The following UNC80 variants were observed in gnomAD, a reference collection of about 807,000 sequenced individuals.
UNC80 encodes protein unc-80 homolog.
A neutral mutation model predicts 384.6 loss-of-function variants in UNC80; 164 were observed. That is an observed-to-expected ratio of 0.43 (90% CI 0.38 to 0.49). The LOEUF (loss-of-function observed/expected upper bound fraction) is 0.49, where lower values mean the gene tolerates loss of function less well. Among genes scored for constraint, UNC80 ranks in the 20% least tolerant of loss-of-function variants. The pLI is 0.00. For synonymous variants in UNC80, 1,486 were observed against 1,527.8 expected, an observed-to-expected ratio of 0.97 and a Z score of 0.64; for missense variants, 3,330 against 4,143.0, an observed-to-expected ratio of 0.80 and a Z score of 5.39.
At chr2:209,955,608 A>G (rs1348951620) in intron 48 of UNC80, among the ~76,000 whole-genome samples, 1 of 147,256 alleles carries the variant, frequency 6.8e-6, no homozygotes, top group Admixed American at 6.9e-5. Context: ...TTCCTTCTGT[A>G]CCCATCTGGT....
chr2:209,956,797 C>A (rs2124998514), intron 48 of UNC80, among the ~76,000 whole-genome samples: 1 of 152,190 alleles, frequency 6.6e-6, no homozygotes, highest in East Asian at 1.9e-4. Flanking sequence ...TATAATGTAA[C>A]ATAATCACTA....
chr2:209,946,781 A>G (rs748576319), intron 47 of UNC80, among the ~76,000 whole-genome samples: 3 of 152,204 alleles, frequency 2.0e-5, no homozygotes, highest in Admixed American at 6.5e-5. Context: ...TCTGTTGACA[A>G]GCTCTTCCAG....
chr2:209,803,759 G>T (rs1377683639), intron 7 of UNC80, among the ~76,000 whole-genome samples: 1 of 151,604 alleles, frequency 6.6e-6, no homozygotes, highest in Non-Finnish European at 1.5e-5. Flanking sequence ...TAGAGACAGG[G>T]TCTCACTCTG....
chr2:209,899,095 T>C (rs1040009665), intron 28 of UNC80, among the ~76,000 whole-genome samples: 6 of 152,208 alleles, frequency 3.9e-5, no homozygotes, highest in Non-Finnish European at 8.8e-5. Flanking sequence ...AGTGCAGATA[T>C]CATGATCAAG....
intron 3 of UNC80, 69 bp from the exon 4 acceptor site, chr2:209,777,189 C>T: frequency 6.9e-7 from 1 of 1,457,892 alleles, no homozygotes; most frequent in Non-Finnish European, 9.2e-7. Flanking sequence ...CTTCCCAGAC[C>T]CATTGTTGAC....
chr2:209,922,200 A>G, intron 34 of UNC80, 52 bp from the exon 35 acceptor site: 1 of 1,544,482 alleles, frequency 6.5e-7, no homozygotes, highest in Non-Finnish European at 8.8e-7. Context: ...TGTGATAATA[A>G]TAACTCTTTT....
At chr2:209,831,658 G>T in intron 16 of UNC80, 67 bp downstream of exon 16, 2 of 1,377,422 alleles carry the variant, frequency 1.5e-6, no homozygotes, top group Non-Finnish European at 1.9e-6. Context: ...ACTCATTGTC[G>T]TGGCCATGAG....
intron 35 of UNC80, among the ~76,000 whole-genome samples, chr2:209,926,200 A>G (rs1054650668): frequency 1.3e-5 from 2 of 152,208 alleles, no homozygotes; most frequent in African/African-American, 4.8e-5. Context: ...TCACATGCAC[A>G]CAACCAGTTG....
chr2:209,985,003 T>C, intron 61 of UNC80, 91 bp downstream of exon 61: 1 of 1,124,032 alleles, frequency 8.9e-7, no homozygotes, highest in East Asian at 2.7e-5. Flanking sequence ...CTCTGTCTCT[T>C]CTCGCCCCGT....
chr2:209,823,441 C>A (rs950319352), intron 13 of UNC80, among the ~76,000 whole-genome samples: 2 of 152,154 alleles, frequency 1.3e-5, no homozygotes, highest in African/African-American at 4.8e-5. Flanking sequence ...GTAGCCTTTA[C>A]AGAGCCCTCT....
intron 29 of UNC80, among the ~76,000 whole-genome samples, chr2:209,908,106 A>G (rs2088474822): frequency 6.6e-6 from 1 of 152,262 alleles, no homozygotes; most frequent in African/African-American, 2.4e-5. Flanking sequence ...CTCTCATGAT[A>G]CTTTTCATTT....
chr2:209,832,577 T>C (rs115330185), intron 16 of UNC80, among the ~76,000 whole-genome samples: 1 of 152,204 alleles, frequency 6.6e-6, no homozygotes, highest in Non-Finnish European at 1.5e-5. Context: ...ACAATTCACT[T>C]AACTTGAGAT....
At chr2:209,806,489 G>C (rs959601380) in intron 7 of UNC80, among the ~76,000 whole-genome samples, 5 of 152,190 alleles carry the variant, frequency 3.3e-5, no homozygotes, top group African/African-American at 4.8e-5. Context: ...AATTAGACAT[G>C]AATCAGTGGC....
intron 28 of UNC80, among the ~76,000 whole-genome samples, chr2:209,901,857 A>G (rs2087445942): frequency 6.6e-6 from 1 of 151,788 alleles, no homozygotes; most frequent in Non-Finnish European, 1.5e-5. Flanking sequence ...TGAACCCGGG[A>G]GGCGAAGCTT....
chr2:209,828,485 A>C (rs2080709866), intron 14 of UNC80, among the ~76,000 whole-genome samples: 1 of 152,152 alleles, frequency 6.6e-6, no homozygotes, highest in African/African-American at 2.4e-5. Context: ...GCTAATTCCA[A>C]GTTTCAGTCT....
intron 34 of UNC80, 51 bp from the exon 35 acceptor site, chr2:209,922,201 T>C (rs983081634): frequency 1.3e-6 from 2 of 1,544,712 alleles, no homozygotes; most frequent in Admixed American, 3.9e-5. Context: ...GTGATAATAA[T>C]AACTCTTTTG....
At chr2:209,936,962 G>A (rs2091289461) in intron 41 of UNC80, 29 bp downstream of exon 41, 3 of 1,456,438 alleles carry the variant, frequency 2.1e-6, no homozygotes, top group Middle Eastern at 1.7e-4. Flanking sequence ...CATCCCCGTT[G>A]AGTTGTGCCA....
rs151027597 is a variant in UNC80 at position 209,964,399 on chromosome 2, C to T, written c.7806-3038C>T. 1.0e-3 allele frequency among the ~76,000 whole-genome samples: 152 copies of T among 152,178 alleles called. 1 individual carries two copies. The highest frequency in any genetic ancestry group is 3.5e-3 in the African/African-American group (145 of 41,518). On this transcript the variant is annotated intron_variant, in intron 51 of 64. Coordinates refer to ENST00000673920, the MANE Select transcript of UNC80 (RefSeq NM_001371986.1). ...GTAGGCCCTGGATTTAACTTCCAAT[C>T]GAATTAAATACAAAGGCAGTAGGAT...
At chr2:209,797,823 T>C (rs1230440407) in intron 7 of UNC80, among the ~76,000 whole-genome samples, 2 of 152,208 alleles carry the variant, frequency 1.3e-5, no homozygotes, top group Non-Finnish European at 2.9e-5. Context: ...CAGCATCTAT[T>C]GTTTACTGAT....
Sources: gnomAD v4.1 joint callset for allele counts (sites outside exome capture counted in the v4.1 genomes callset) on GRCh38, gnomAD v4.1.1 for gene constraint, MANE v1.5 for transcripts, NCBI Gene and HGNC (gene_info 2026-07-23, HGNC 2026-07-21) for gene names.